The following ACCSL variants were observed in gnomAD, a reference collection of about 807,000 sequenced individuals.
The protein encoded by ACCSL is probable inactive 1-aminocyclopropane-1-carboxylate synthase-like protein 2.
ACCSL carries 55 observed loss-of-function variants against 61.7 expected under a neutral mutation model. The observed-to-expected ratio is 0.89, with a 90% confidence interval of 0.72 to 1.12. ACCSL has a LOEUF of 1.12. Among genes scored for constraint, ACCSL ranks in the 50% most tolerant of loss-of-function variants. The probability of loss-of-function intolerance (pLI) is 0.00; values close to 1 mark genes in which losing one functional copy is unlikely to be tolerated. For synonymous variants in ACCSL, 258 were observed against 264.3 expected, an observed-to-expected ratio of 0.98 and a Z score of 0.23; for missense variants, 632 against 698.0, an observed-to-expected ratio of 0.91 and a Z score of 1.07.
the ACCSL span, among the ~76,000 whole-genome samples, chr11:43,955,400 C>T: frequency 1.8e-3 from 278 of 152,282 alleles, 1 homozygote; most frequent in African/African-American, 5.9e-3. Context: ...ACTGTTACCA[C>T]CCAGTGGGAT....
chr11:44,049,978 T>G lies in ACCSL; in HGVS notation c.505-84T>G, dbSNP rs754371131. On this transcript the variant is annotated intron_variant, in intron 1 of 13. Transcript: ENST00000378832. ...TTGAATTGCCTCATAGGCAGTGAGATCTCCATTTGAACTAATGTTTCAAGG... is the reference window on the plus strand; with the variant it reads ...TTGAATTGCCTCATAGGCAGTGAGAGCTCCATTTGAACTAATGTTTCAAGG... The G allele has an allele frequency of 5.1e-6, 8 of 1,569,014 alleles. No individual in the cohort carries two copies. In the Middle Eastern group the frequency reaches 8.4e-4, roughly 164 times the overall value.
At chr11:43,978,798 T>TG in the ACCSL span, among the ~76,000 whole-genome samples, 1 of 146,350 alleles carries the variant, frequency 6.8e-6, no homozygotes, top group Non-Finnish European at 1.5e-5. Context: ...TTTTTTTTTT[T>TG]TTTTTTTTTT....
chr11:43,943,771 T>C, the ACCSL span: 15 of 1,304,158 alleles, frequency 1.2e-5, no homozygotes, highest in Admixed American at 2.3e-4. This position sits in a 1 kb window ranked among gnomAD's most constrained non-coding sequence, Gnocchi z 4.8. Context: ...AGGATTGATA[T>C]TTATTTTTGC....
chr11:44,039,019 T>G, the ACCSL span, among the ~76,000 whole-genome samples: 1 of 152,196 alleles, frequency 6.6e-6, no homozygotes, highest in African/African-American at 2.4e-5. Context: ...GTCAGGGGAT[T>G]TATTTCTTCA....
At chr11:44,003,510 G>T in the ACCSL span, among the ~76,000 whole-genome samples, 1 of 152,024 alleles carries the variant, frequency 6.6e-6, no homozygotes, top group East Asian at 1.9e-4. Flanking sequence ...AAAATTAGCT[G>T]GGTGTGGTGG....
At chr11:43,940,387 G>C in the ACCSL span, among the ~76,000 whole-genome samples, 6,812 of 145,794 alleles carry the variant, frequency 0.047, 541 homozygotes, top group African/African-American at 0.16. Flanking sequence ...ACGGAGTCTT[G>C]CTCCATTGCC....
chr11:44,053,408 G>A lies in ACCSL; in HGVS notation c.951G>A (p.Gly317=). 1.2e-6 allele frequency: 2 copies of A among 1,614,006 alleles called. No individual in the cohort carries two copies. The highest frequency in any genetic ancestry group is 2.2e-5 in the South Asian group (2 of 91,058). Residue 317 remains glycine (G), a splice_region_variant and synonymous_variant, in exon 8 of 14, where the codon GGG becomes GGA. Coordinates refer to ENST00000378832, the MANE Select transcript of ACCSL (RefSeq NM_001031854.2). Reference sequence around the variant, plus strand: ...AGTTATATTTGGGTTTTTCTTAGGGGAAAAAGGTCCGAGGCCTTGTGCTAA... The same window carrying A: ...AGTTATATTTGGGTTTTTCTTAGGGAAAAAAGGTCCGAGGCCTTGTGCTAA... The part of the protein sequence containing the change: ...EEALLEARLE[G]KKVRGLVLIN...
the ACCSL span, among the ~76,000 whole-genome samples, chr11:43,947,530 A>G: frequency 0.63 from 95,768 of 151,986 alleles, 30,407 homozygotes; most frequent in East Asian, 0.8. Context: ...GGCAAGACAT[A>G]CAATGAAGGA....
At chr11:44,049,209 C>T (rs1458696036) in intron 1 of ACCSL, among the ~76,000 whole-genome samples, 1 of 151,958 alleles carries the variant, frequency 6.6e-6, no homozygotes, top group Non-Finnish European at 1.5e-5. Context: ...CGCTCAAGTC[C>T]AGGAATTCGA....
the ACCSL span, among the ~76,000 whole-genome samples, chr11:43,978,793 T>TG: frequency 6.9e-6 from 1 of 144,128 alleles, no homozygotes; most frequent in South Asian, 2.3e-4. Flanking sequence ...GTTTTTTTTT[T>TG]TTTTTTTTTT....
chr11:44,052,928 T>C (rs1232331840), intron 6 of ACCSL, 63 bp from the exon 7 acceptor site: 13 of 1,547,372 alleles, frequency 8.4e-6, no homozygotes, highest in Non-Finnish European at 1.2e-5. Flanking sequence ...GCGGGGCTTA[T>C]GGGAATGAGG....
chr11:44,053,207 G>A (rs1187145069), intron 7 of ACCSL, 139 bp downstream of exon 7: 2 of 863,008 alleles, frequency 2.3e-6, no homozygotes, highest in East Asian at 2.6e-5. Context: ...ATCCAGGGGT[G>A]TGTCCCTCTA....
At chr11:44,026,781 G>A in the ACCSL span, among the ~76,000 whole-genome samples, 1 of 151,976 alleles carries the variant, frequency 6.6e-6, no homozygotes, top group Non-Finnish European at 1.5e-5. Flanking sequence ...CCAAGCTGGA[G>A]TGCAATGGTA....
the ACCSL span, among the ~76,000 whole-genome samples, chr11:43,982,631 C>T: frequency 3.3e-5 from 5 of 152,088 alleles, no homozygotes. Flanking sequence ...AGCACGTGGC[C>T]GAGTCCCTGG....
the ACCSL span, among the ~76,000 whole-genome samples, chr11:43,973,490 A>G: frequency 6.6e-6 from 1 of 152,088 alleles, no homozygotes; most frequent in Admixed American, 6.6e-5. Context: ...TAGTACATGT[A>G]ATAATAGTTT....
rs918548112 is a variant in ACCSL, at chr11:44,058,414, T to C, written c.1425T>C (p.Phe475=). ...TAELKALEIP[F]HNRSSGLYVW... Reference sequence around the variant, plus strand: ...AGCTGAAGGCATTGGAGATCCCTTTTCACAACCGCAGCTCTGGCCTCTATG... The same window carrying C: ...AGCTGAAGGCATTGGAGATCCCTTTCCACAACCGCAGCTCTGGCCTCTATG... The change falls in exon 12 of 14, where the codon TTT becomes TTC. Residue 475 remains phenylalanine (F), a synonymous_variant. Coordinates refer to ENST00000378832, the MANE Select transcript of ACCSL (RefSeq NM_001031854.2). 6 of 1,614,002 alleles carry C rather than the reference T, an allele frequency of 3.7e-6. No homozygotes were observed. In the African/African-American group the frequency reaches 8.0e-5, roughly 22 times the overall value.
At chr11:44,002,099 G>A in the ACCSL span, among the ~76,000 whole-genome samples, 1 of 151,718 alleles carries the variant, frequency 6.6e-6, no homozygotes, top group Non-Finnish European at 1.5e-5. Flanking sequence ...TGGACAAGGA[G>A]GGGGGAAGTG....
chr11:44,043,096 T>C (rs1228412368), upstream of ACCSL, among the ~76,000 whole-genome samples: 2 of 152,030 alleles, frequency 1.3e-5, no homozygotes, highest in African/African-American at 4.8e-5. Flanking sequence ...AATAAACGTA[T>C]TTAGCTATTT....
At chr11:43,998,901 AG>A in the ACCSL span, among the ~76,000 whole-genome samples, 148 of 152,248 alleles carry the variant, frequency 9.7e-4, 1 homozygote, top group Non-Finnish European at 1.5e-3. Flanking sequence ...CTGAGACTAC[AG>A]GCATGCACCA....
Sources: allele counts gnomAD v4.1 joint callset (sites outside exome capture counted in the v4.1 genomes callset), GRCh38; gene constraint gnomAD v4.1.1; non-coding constraint Gnocchi (gnomAD v3.1); transcripts MANE v1.5; gene names NCBI Gene and HGNC (gene_info 2026-07-23, HGNC 2026-07-21).